SCRN1: variants seen among roughly 807,000 people sequenced by gnomAD.
SCRN1 encodes the protein secernin-1.
A neutral mutation model predicts 43.3 loss-of-function variants in SCRN1; 19 were observed. The ratio of observed to expected loss-of-function variants is 0.44; its 90% confidence interval spans 0.31 to 0.64. SCRN1 has a LOEUF of 0.64. Ranked by LOEUF, SCRN1 falls within the 30% of genes least tolerant of loss-of-function variation. The pLI is 0.09. For missense variants in SCRN1, 447 were observed against 524.1 expected (o/e 0.85, Z 1.44); for synonymous variants, 183 against 188.9 (o/e 0.97, Z 0.26).
At position 29,950,950 on chromosome 7, in the gene SCRN1, AC is replaced by A. The variant is rs775681458; in HGVS notation, c.341+4228del. Among the ~76,000 whole-genome samples the A allele has an allele frequency of 4.6e-5, 7 of 152,272 alleles. No homozygotes were observed. Among genetic ancestry groups the A allele is most frequent in the East Asian group, 1.9e-4 (1 of 5,174 alleles). ...CCTGAACATGGGACAAGAGCTTGGG[AC>A]CCGCCAAATGGTGGGACTGAAAGAG... On this transcript the variant is annotated intron_variant, in intron 3 of 7. Coordinates refer to ENST00000242059, the MANE Select transcript of SCRN1 (RefSeq NM_014766.5). The surrounding 1 kb of genome is among the most constrained non-coding windows in gnomAD (Gnocchi z 4.5).
At chr7:29,931,831 T>C (rs961824975) in intron 6 of SCRN1, among the ~76,000 whole-genome samples, 2 of 152,170 alleles carry the variant, frequency 1.3e-5, no homozygotes, top group Non-Finnish European at 2.9e-5. Flanking sequence ...CAAATAAACC[T>C]GCAATACCAA....
Position 29,936,685 on chromosome 7 carries a change from C to T in SCRN1, c.776G>A (p.Arg259Gln), listed in dbSNP as rs1033002287. 2.5e-6 allele frequency: 4 copies of T among 1,583,438 alleles called. No homozygotes were observed. The highest frequency in any genetic ancestry group is 1.7e-5 in the Admixed American group (1 of 59,094). The change falls in exon 6 of 8, where the codon CGG becomes CAG. Residue 259 changes from arginine (R) to glutamine (Q), a missense_variant. Physicochemically the swap from Arg to Gln is conservative, Grantham distance 43 (BLOSUM62 1). Transcript: ENST00000242059. ...ITVQTMMNTL[R>Q]DKASGVCIDS... ...TATGCACACTCCGCTGGCTTTGTCC[C>T]GTAAGGTGTTCATCATAGTCTGCAC...
intron 1 of SCRN1, among the ~76,000 whole-genome samples, chr7:29,971,649 A>G (rs372295984): frequency 6.6e-6 from 1 of 152,132 alleles, no homozygotes; most frequent in Non-Finnish European, 1.5e-5. Flanking sequence ...AAAAAAAAAA[A>G]AACTTTATTT....
At chr7:29,928,992 G>C (rs75228649) in intron 6 of SCRN1, among the ~76,000 whole-genome samples, 3,103 of 152,252 alleles carry the variant, frequency 0.02, 48 homozygotes, top group East Asian at 0.068. Context: ...GAGAGAGCAC[G>C]CCTAGCCATC....
intron 2 of SCRN1, among the ~76,000 whole-genome samples, chr7:29,964,458 G>A (rs757901200): frequency 7.7e-5 from 10 of 129,998 alleles, no homozygotes; most frequent in African/African-American, 1.4e-4. Context: ...GACATTTTAC[G>A]AAAGGCAAAA....
chr7:29,970,104 A>G (rs1047440195), intron 1 of SCRN1, among the ~76,000 whole-genome samples: 1 of 152,202 alleles, frequency 6.6e-6, no homozygotes, highest in African/African-American at 2.4e-5. Context: ...TCCCCACTCC[A>G]AAACATTCTC....
At chr7:29,934,768 G>C (rs975866587) in intron 6 of SCRN1, among the ~76,000 whole-genome samples, 1 of 152,234 alleles carries the variant, frequency 6.6e-6, no homozygotes, top group African/African-American at 2.4e-5. Flanking sequence ...AGGCTGCCAG[G>C]AGCGGCGTAG....
intron 5 of SCRN1, among the ~76,000 whole-genome samples, chr7:29,938,887 C>T (rs893412140): frequency 3.9e-5 from 6 of 152,142 alleles, no homozygotes; most frequent in East Asian, 3.9e-4. Context: ...ATTCCTCTAG[C>T]GCCACTGGGT....
At chr7:29,983,930 G>A (rs1007747484) in intron 1 of SCRN1, among the ~76,000 whole-genome samples, 1 of 152,160 alleles carries the variant, frequency 6.6e-6, no homozygotes, top group Admixed American at 6.5e-5. Context: ...GATTGGCCAG[G>A]CGCAGTGGCT....
intron 6 of SCRN1, among the ~76,000 whole-genome samples, chr7:29,934,177 TATAATACAA>T (rs1222176649): frequency 2.0e-5 from 3 of 152,256 alleles, no homozygotes; most frequent in African/African-American, 7.2e-5. Flanking sequence ...CTTAATCTTC[TATAATACAA>T]GGTTTTTAAA....
At chr7:29,961,408 T>A (rs952250744) in intron 2 of SCRN1, among the ~76,000 whole-genome samples, 24 of 122,186 alleles carry the variant, frequency 2.0e-4, no homozygotes, top group Admixed American at 4.2e-4. Context: ...ATCAACAGGA[T>A]CCCAAGGCAG....
intron 1 of SCRN1, among the ~76,000 whole-genome samples, chr7:29,973,638 G>A (rs1051013040): frequency 2.0e-5 from 3 of 152,222 alleles, no homozygotes; most frequent in South Asian, 2.1e-4. Context: ...ACAACACACA[G>A]TAAAGCACTG....
intron 1 of SCRN1, among the ~76,000 whole-genome samples, chr7:29,976,871 C>T (rs1052657116): frequency 8.5e-5 from 13 of 152,216 alleles, no homozygotes; most frequent in African/African-American, 3.1e-4. Context: ...GCTTGAGGGA[C>T]TGGAGTACTG....
intron 2 of SCRN1, among the ~76,000 whole-genome samples, chr7:29,959,064 T>C (rs1175521891): frequency 6.6e-6 from 1 of 152,158 alleles, no homozygotes; most frequent in Non-Finnish European, 1.5e-5. Context: ...AAAAGAAAGA[T>C]CAGCTTCATG....
intron 2 of SCRN1, among the ~76,000 whole-genome samples, chr7:29,960,760 T>G (rs1788280729): frequency 6.6e-6 from 1 of 152,050 alleles, no homozygotes; most frequent in African/African-American, 2.4e-5. Flanking sequence ...AGGAAGTTAT[T>G]CCTCTGCTTC....
intron 1 of SCRN1, among the ~76,000 whole-genome samples, chr7:29,971,098 T>C (rs963270882): frequency 2.0e-5 from 3 of 152,170 alleles, no homozygotes; most frequent in Non-Finnish European, 2.9e-5. Context: ...TGTTTTATTT[T>C]ACAAGTCTGA....
intron 4 of SCRN1, among the ~76,000 whole-genome samples, chr7:29,943,648 T>C (rs1787630707): frequency 6.6e-6 from 1 of 152,212 alleles, no homozygotes; most frequent in African/African-American, 2.4e-5. Flanking sequence ...TGTTGACCTA[T>C]TACACAAGAA....
rs185153671 is a variant in SCRN1 at position 29,922,414 on chromosome 7, A to C, written c.*1543T>G. 1.2e-4 allele frequency: 18 copies of C among 152,302 alleles called. No individual in the cohort carries two copies. The East Asian group carries it at 3.3e-3, about 28-fold the overall frequency. 9.4% of individuals were successfully genotyped at this position (152,302 alleles called of 1,614,324 possible). A position where few individuals can be genotyped will look rare whatever the true frequency, so the allele number is the denominator to read the frequency against. On this transcript the variant is annotated 3_prime_UTR_variant, in exon 8 of 8. Transcript: ENST00000242059. Reference sequence around the variant, plus strand: ...AAAATCTCATGATACAGCTTCTGGGAAGGAGTTATTAACCCTGTCACTTCC... The same window carrying C: ...AAAATCTCATGATACAGCTTCTGGGCAGGAGTTATTAACCCTGTCACTTCC...
At chr7:29,988,143 A>T (rs967413757) in intron 1 of SCRN1, among the ~76,000 whole-genome samples, 6 of 152,174 alleles carry the variant, frequency 3.9e-5, no homozygotes, top group African/African-American at 1.4e-4. Flanking sequence ...TCTTCCAATG[A>T]AACTTGATCT....
Sources: gnomAD v4.1 joint callset for allele counts (sites outside exome capture counted in the v4.1 genomes callset) on GRCh38, gnomAD v4.1.1 for gene constraint, Gnocchi (gnomAD v3.1) non-coding constraint, MANE v1.5 for transcripts, NCBI Gene and HGNC (gene_info 2026-07-23, HGNC 2026-07-21) for gene names.